The following HLCS variants were observed in gnomAD, a reference collection of about 807,000 sequenced individuals.
HLCS encodes the protein biotin--protein ligase.
A neutral mutation model predicts 75.0 loss-of-function variants in HLCS; 53 were observed. The ratio of observed to expected loss-of-function variants is 0.71; its 90% CI spans 0.57 to 0.89. The LOEUF (loss-of-function observed/expected upper bound fraction) is 0.89. Ranked by LOEUF, HLCS falls within the 40% of genes least tolerant of loss-of-function variation. The pLI, the probability that HLCS is intolerant of heterozygous loss-of-function variation, is 0.00. For synonymous variants in HLCS, 431 were observed against 428.6 expected, an observed-to-expected ratio of 1.01 and a Z score of -0.07; for missense variants, 966 against 1,074.0, an observed-to-expected ratio of 0.90 and a Z score of 1.41.
At chr21:36,940,691 C>G (rs1363284557) in intron 2 of HLCS, among the ~76,000 whole-genome samples, 1 of 152,198 alleles carries the variant, frequency 6.6e-6, no homozygotes, top group Non-Finnish European at 1.5e-5. Context: ...ACTTCTGCCC[C>G]CAGGGTCCTT....
intron 7 of HLCS, among the ~76,000 whole-genome samples, chr21:36,765,898 C>T (rs1394002226): frequency 1.3e-5 from 2 of 152,184 alleles, no homozygotes; most frequent in African/African-American, 4.8e-5. Flanking sequence ...CTGCCCGCCT[C>T]GGCCTCCCAA....
At chr21:36,844,398 T>C (rs1193552481) in intron 6 of HLCS, among the ~76,000 whole-genome samples, 3 of 152,178 alleles carry the variant, frequency 2.0e-5, no homozygotes, top group Admixed American at 6.5e-5. Context: ...ATGGGAACTC[T>C]ATACTCTGTT....
intron 5 of HLCS, among the ~76,000 whole-genome samples, chr21:36,925,734 C>G (rs912290030): frequency 6.6e-6 from 1 of 152,190 alleles, no homozygotes; most frequent in Non-Finnish European, 1.5e-5. Flanking sequence ...CCCTGCAGAG[C>G]GTGGCAGCCT....
At chr21:36,775,117 G>A (rs2060316911) in intron 6 of HLCS, among the ~76,000 whole-genome samples, 1 of 152,234 alleles carries the variant, frequency 6.6e-6, no homozygotes, top group Non-Finnish European at 1.5e-5. Flanking sequence ...GAAGCAGAGA[G>A]ATGCCTGTGG....
chr21:36,761,961 T>TC (rs2089863333), intron 8 of HLCS, among the ~76,000 whole-genome samples: 1 of 152,202 alleles, frequency 6.6e-6, no homozygotes, highest in South Asian at 2.1e-4. Flanking sequence ...TGGCTTCAGA[T>TC]CTCCTCGGCT....
At chr21:36,818,259 T>A (rs1281605400) in intron 6 of HLCS, among the ~76,000 whole-genome samples, 5 of 152,232 alleles carry the variant, frequency 3.3e-5, no homozygotes, top group Non-Finnish European at 7.3e-5. Flanking sequence ...GTGGCATGGC[T>A]AATGCATTCC....
rs182012918 is a variant in HLCS at position 36,756,249 on chromosome 21, T to A, written c.2450+293A>T. ...GTCAGGAGATCGAGACCATCCTGGC[T>A]AACACGGTGAAACCCCACCTCCACT... On this transcript the variant is annotated intron_variant, in intron 10 of 10. Coordinates refer to ENST00000674895, the MANE Select transcript of HLCS (RefSeq NM_001352514.2). Among the ~76,000 whole-genome samples the A allele has an allele frequency of 9.0e-3, 1,330 of 148,478 alleles. 19 individuals are homozygous for A. The highest frequency in any genetic ancestry group is 0.034 in the African/African-American group (1,278 of 38,082).
intron 6 of HLCS, among the ~76,000 whole-genome samples, chr21:36,869,605 T>C (rs956826441): frequency 6.6e-6 from 1 of 152,198 alleles, no homozygotes; most frequent in Non-Finnish European, 1.5e-5. Context: ...CAGACATGCT[T>C]AAGAAATTTC....
chr21:36,936,121 C>T (rs1199880592), intron 4 of HLCS, among the ~76,000 whole-genome samples: 2 of 152,122 alleles, frequency 1.3e-5, no homozygotes, highest in Non-Finnish European at 2.9e-5. Context: ...AGAAAGCAGA[C>T]CGATGAATTT....
At chr21:36,809,037 G>C (rs2061435731) in intron 6 of HLCS, among the ~76,000 whole-genome samples, 1 of 151,970 alleles carries the variant, frequency 6.6e-6, no homozygotes, top group East Asian at 1.9e-4. Context: ...CACATGGTGA[G>C]ACCCTGTCTC....
At chr21:36,944,680 G>A (rs1431515824) in intron 2 of HLCS, among the ~76,000 whole-genome samples, 2 of 152,040 alleles carry the variant, frequency 1.3e-5, no homozygotes, top group Non-Finnish European at 2.9e-5. Flanking sequence ...TGGACAGTTG[G>A]CTTATGTTTC....
chr21:36,784,508 G>A (rs945588219), intron 6 of HLCS, among the ~76,000 whole-genome samples: 1 of 152,062 alleles, frequency 6.6e-6, no homozygotes, highest in South Asian at 2.1e-4. Context: ...TAGAGATCGG[G>A]TTTTGCCATG....
At chr21:36,756,407 T>A in intron 10 of HLCS, 135 bp downstream of exon 10, 1 of 584,382 alleles carries the variant, frequency 1.7e-6, no homozygotes, top group South Asian at 1.8e-5. Flanking sequence ...GCCAAGATCG[T>A]GCCACTGCAC....
At chr21:36,968,962 T>C (rs893817076), upstream of HLCS, among the ~76,000 whole-genome samples, 3 of 152,206 alleles carry the variant, frequency 2.0e-5, no homozygotes, top group Non-Finnish European at 2.9e-5. Context: ...TTTCGAGATA[T>C]GGTCTCAGAA....
chr21:36,903,972 G>A (rs549338587), intron 5 of HLCS, among the ~76,000 whole-genome samples: 1 of 152,180 alleles, frequency 6.6e-6, no homozygotes, highest in East Asian at 1.9e-4. Context: ...GCACACTCCT[G>A]CCCTCTCACC....
intron 7 of HLCS, 26 bp downstream of exon 7, chr21:36,767,192 A>C: frequency 2.5e-6 from 4 of 1,610,194 alleles, no homozygotes; most frequent in Non-Finnish European, 3.4e-6. Context: ...CAGAAGTAAC[A>C]GCAATGATCA....
At chr21:36,967,287 T>G (rs1231507061), upstream of HLCS, among the ~76,000 whole-genome samples, 8 of 152,090 alleles carry the variant, frequency 5.3e-5, no homozygotes, top group African/African-American at 1.9e-4. Context: ...GATTTTAAGG[T>G]CAATCACATA....
chr21:36,766,476 T>C (rs1452031787), intron 7 of HLCS, among the ~76,000 whole-genome samples: 3 of 152,216 alleles, frequency 2.0e-5, no homozygotes, highest in African/African-American at 7.2e-5. Context: ...TTTTTTCCAT[T>C]TGAATTATAT....
intron 2 of HLCS, among the ~76,000 whole-genome samples, chr21:36,954,162 C>T (rs2067805938): frequency 6.6e-6 from 1 of 151,776 alleles, no homozygotes; most frequent in African/African-American, 2.4e-5. Context: ...AAAAATTAGC[C>T]GGGCATGGTG....
Sources: allele counts gnomAD v4.1 joint callset (sites outside exome capture counted in the v4.1 genomes callset), GRCh38; gene constraint gnomAD v4.1.1; transcripts MANE v1.5; gene names NCBI Gene and HGNC (gene_info 2026-07-23, HGNC 2026-07-21).